The following BDKRB2 variants were observed in gnomAD, a reference collection of about 807,000 sequenced individuals.
BDKRB2 encodes B2 bradykinin receptor.
Under a neutral mutation model 4.0 loss-of-function variants are expected in BDKRB2, and 6 were observed. The ratio of observed to expected loss-of-function variants is 1.49; its 90% CI spans 0.81 to 2.93. The LOEUF (loss-of-function observed/expected upper bound fraction) is 2.93, where lower values mean the gene tolerates loss of function less well. Ranked by LOEUF, BDKRB2 falls within the 30% of genes most tolerant of loss-of-function variation. The pLI, the probability that BDKRB2 is intolerant of heterozygous loss-of-function variation, is 0.00. For missense variants in BDKRB2, 478 were observed against 520.1 expected, an observed-to-expected ratio of 0.92 and a Z score of 0.79; for synonymous variants, 225 against 215.3, an observed-to-expected ratio of 1.05 and a Z score of -0.40.
chr14:96,240,197 G>A (rs995959014), intron 2 of BDKRB2: 18 of 1,292,852 alleles, frequency 1.4e-5, no homozygotes, highest in Middle Eastern at 3.1e-4. Context: ...TGAGGCCCCC[G>A]TTTAGATCCA....
intron 1 of BDKRB2, among the ~76,000 whole-genome samples, chr14:96,218,876 G>A (rs766058353): frequency 6.6e-5 from 10 of 151,890 alleles, no homozygotes; most frequent in Non-Finnish European, 1.5e-5. Flanking sequence ...CCAAGATCAC[G>A]CCACTGCACT....
chr14:96,233,927 CAG>C (rs1360518794), intron 1 of BDKRB2: 2 of 152,270 alleles, frequency 1.3e-5, no homozygotes, highest in Admixed American at 6.5e-5. Flanking sequence ...TTTAAAAAAT[CAG>C]GGGAAAAACC....
chr14:96,222,735 A>C (rs1890604802), intron 1 of BDKRB2, among the ~76,000 whole-genome samples: 1 of 152,122 alleles, frequency 6.6e-6, no homozygotes, highest in African/African-American at 2.4e-5. Context: ...CTAAGTGTAA[A>C]TACACACTAG....
chr14:96,227,703 A>ACACACAAATG (rs2139785734), intron 1 of BDKRB2, among the ~76,000 whole-genome samples: 1 of 152,286 alleles, frequency 6.6e-6, no homozygotes, highest in African/African-American at 2.4e-5. Context: ...ATGCACACAC[A>ACACACAAATG]CACACAAATG....
rs1363121731 is a variant in BDKRB2 at position 96,221,656 on chromosome 14, A to G, written c.-39-15413A>G. On this transcript the variant is annotated intron_variant, in intron 1 of 2. Coordinates refer to ENST00000554311, the MANE Select transcript of BDKRB2 (RefSeq NM_001379692.1). ...GAGGAAGATTTGCTAGAGGTGCTTG[A>G]GTGGTTGGTGCAAGGGGGCTTGTGG... is the stretch of plus-strand genomic sequence containing the variant. Among the ~76,000 whole-genome samples, 4 of 151,962 alleles carry G rather than the reference A, an allele frequency of 2.6e-5. 1 individual carries two copies. The highest frequency in any genetic ancestry group is 9.7e-5 in the African/African-American group (4 of 41,302).
Position 96,241,022 on chromosome 14 carries a change from G to A in BDKRB2, c.694G>A (p.Gly232Ser). Residue 232 changes from glycine (G) to serine (S), a missense_variant, in exon 3 of 3, where the codon GGC becomes AGC. Gly to Ser is a moderately conservative substitution (Grantham distance 56, BLOSUM62 0). Transcript: ENST00000554311. ...CACCAACATGCTCCTGAATGTCGTGGGCTTCCTGCTGCCCCTGAGTGTCAT... is the reference window on the plus strand; with the variant it reads ...CACCAACATGCTCCTGAATGTCGTGAGCTTCCTGCTGCCCCTGAGTGTCAT... Reference protein sequence around the residue: ...VFTNMLLNVVGFLLPLSVITF... With the variant: ...VFTNMLLNVVSFLLPLSVITF... 1 of 1,607,872 alleles carries A rather than the reference G, an allele frequency of 6.2e-7. No homozygotes were observed. Among genetic ancestry groups the A allele is most frequent in the African/African-American group, 1.3e-5 (1 of 74,942 alleles).
chr14:96,205,794 A>G (rs4905459), intron 1 of BDKRB2, among the ~76,000 whole-genome samples: 132,574 of 152,290 alleles, frequency 0.87, 58,304 homozygotes, highest in East Asian at 0.98. Flanking sequence ...AGCACCACGT[A>G]TGTCATAGGC....
chr14:96,214,318 A>C (rs1205056891), intron 1 of BDKRB2, among the ~76,000 whole-genome samples: 1 of 152,204 alleles, frequency 6.6e-6, no homozygotes, highest in East Asian at 1.9e-4. Context: ...ATCACTTGAC[A>C]GAACAATCTG....
intron 1 of BDKRB2, among the ~76,000 whole-genome samples, chr14:96,230,497 T>A (rs544680219): frequency 1.1e-4 from 16 of 151,348 alleles, no homozygotes; most frequent in Middle Eastern, 3.5e-3. Context: ...TGGGTTCAAG[T>A]GATTCTCCCG....
At chr14:96,239,141 C>T (rs1341498507) in intron 2 of BDKRB2, 1 of 985,352 alleles carries the variant, frequency 1.0e-6, no homozygotes, top group African/African-American at 1.7e-5. Context: ...CAGAAAGAGC[C>T]CCTTTTCCTT....
chr14:96,240,564 T>C lies in BDKRB2; in HGVS notation c.236T>C (p.Leu79Pro). The C allele has an allele frequency of 1.3e-6, 2 of 1,571,736 alleles. No homozygotes were observed. Among genetic ancestry groups the C allele is most frequent in the South Asian group, 1.2e-5 (1 of 83,146 alleles). Residue 79 changes from leucine to proline, a missense_variant, in exon 3 of 3, where the codon CTC becomes CCC. Physicochemically the swap from Leu to Pro is moderately conservative, Grantham distance 98 (BLOSUM62 -3). Transcript: ENST00000554311. ...VLATLENIFV[L>P]SVFCLHKSSC... Reference sequence around the variant, plus strand: ...GCCACCCTAGAGAACATCTTTGTCCTCAGCGTCTTCTGCCTGCACAAGAGC... The same window carrying C: ...GCCACCCTAGAGAACATCTTTGTCCCCAGCGTCTTCTGCCTGCACAAGAGC...
At chr14:96,238,772 A>G (rs2069580) in intron 2 of BDKRB2, 25,545 of 985,178 alleles carry the variant, frequency 0.026, 350 homozygotes, top group Non-Finnish European at 0.029. Context: ...GTCACCTCCA[A>G]CCCCTTACCC....
At chr14:96,227,285 A>G (rs1890717640) in intron 1 of BDKRB2, among the ~76,000 whole-genome samples, 1 of 152,238 alleles carries the variant, frequency 6.6e-6, no homozygotes, top group Non-Finnish European at 1.5e-5. Flanking sequence ...AGGGCTTTGC[A>G]ATCATTAATG....
Position 96,225,140 on chromosome 14 carries a change from A to G in BDKRB2, c.-39-11929A>G, listed in dbSNP as rs148221819. On this transcript the variant is annotated intron_variant, in intron 1 of 2. Coordinates refer to ENST00000554311, the MANE Select transcript of BDKRB2 (RefSeq NM_001379692.1). ...TGCTGATCCCATTGCCTCTGCTTGC[A>G]TGCCTCTCAGGATGGGGAGTTCACT... Among the ~76,000 whole-genome samples the G allele has an allele frequency of 9.2e-5, 14 of 152,266 alleles. No individual in the cohort carries two copies. In the East Asian group the frequency reaches 2.7e-3, roughly 29 times the overall value.
chr14:96,207,196 G>A (rs1890206219), intron 1 of BDKRB2, among the ~76,000 whole-genome samples: 1 of 152,186 alleles, frequency 6.6e-6, no homozygotes, highest in Admixed American at 6.5e-5. Context: ...CGCTCAAGCT[G>A]CCTCCTCTGC....
At position 96,222,976 on chromosome 14, in the gene BDKRB2, A is replaced by G. The variant is rs534890924; in HGVS notation, c.-39-14093A>G. The stretch of plus-strand genomic sequence containing the variant: ...TGGACATCACCGACCGCTCTAGGCT[A>G]TGGAAAATTCTGTAGAACAAACAAC... On this transcript the variant is annotated intron_variant, in intron 1 of 2. Transcript: ENST00000554311. 20 of 625,956 alleles carry G rather than the reference A, an allele frequency of 3.2e-5. No individual in the cohort carries two copies. The East Asian group carries it at 5.0e-4, about 16-fold the overall frequency. The allele number at this position is 625,956 out of a possible 1,614,324, so 38.8% of individuals were successfully genotyped here.
In BDKRB2 at chr14:96,240,032, C is replaced by T. The variant is rs549178362; in HGVS notation, c.75-371C>T. Reference sequence around the variant, plus strand: ...CTTTGAGAGGCTCAAAGGTGACCAACTCCCTTGGGAGGGCCCCGGTTGATA... The same window carrying T: ...CTTTGAGAGGCTCAAAGGTGACCAATTCCCTTGGGAGGGCCCCGGTTGATA... On this transcript the variant is annotated intron_variant, in intron 2 of 2. Coordinates refer to ENST00000554311, the MANE Select transcript of BDKRB2 (RefSeq NM_001379692.1). 13 of 1,013,990 alleles carry T rather than the reference C, an allele frequency of 1.3e-5. No homozygotes were observed. In the Admixed American group the frequency reaches 2.3e-4, roughly 18 times the overall value. 62.8% of individuals were successfully genotyped at this position (1,013,990 alleles called of 1,614,324 possible).
chr14:96,241,608 G>T lies in BDKRB2; in HGVS notation c.*104G>T. 1 of 1,437,300 alleles carries T rather than the reference G, an allele frequency of 7.0e-7. No homozygotes were observed. Among genetic ancestry groups the T allele is most frequent in the South Asian group, 1.6e-5 (1 of 64,028 alleles). 89.0% of individuals were successfully genotyped at this position (1,437,300 alleles called of 1,614,324 possible). ...AAGGAGACATCTATGCACGACCTTG[G>T]GAAATGAGTTGATGTCTCCGGTAAA... On this transcript the variant is annotated 3_prime_UTR_variant, in exon 3 of 3. Coordinates refer to ENST00000554311, the MANE Select transcript of BDKRB2 (RefSeq NM_001379692.1).
chr14:96,238,211 C>T, intron 2 of BDKRB2: 3 of 658,924 alleles, frequency 4.6e-6, no homozygotes, highest in Non-Finnish European at 5.7e-6. Flanking sequence ...CCAGAGGATC[C>T]ACTTTCAAGG....
Sources: gnomAD v4.1 joint callset for allele counts (sites outside exome capture counted in the v4.1 genomes callset) on GRCh38, gnomAD v4.1.1 for gene constraint, MANE v1.5 for transcripts, NCBI Gene and HGNC (gene_info 2026-07-23, HGNC 2026-07-21) for gene names.